The following KDM2A variants were observed in gnomAD, a reference collection of about 807,000 sequenced individuals.
The protein encoded by KDM2A is lysine-specific demethylase 2A.
A neutral mutation model predicts 137.3 loss-of-function variants in KDM2A; 3 were observed. The ratio of observed to expected loss-of-function variants is 0.02; its 90% confidence interval spans 0.01 to 0.06. The LOEUF is 0.06. Ranked by LOEUF, KDM2A falls within the 10% of genes least tolerant of loss-of-function variation. The pLI is 1.00. For missense variants in KDM2A, 738 were observed against 1,510.6 expected, an observed-to-expected ratio of 0.49 and a Z score of 8.48; for synonymous variants, 512 against 541.5, an observed-to-expected ratio of 0.95 and a Z score of 0.76.
intron 2 of KDM2A, chr11:67,143,391 C>A (rs1430878219): frequency 6.6e-6 from 1 of 151,914 alleles, no homozygotes; most frequent in Non-Finnish European, 1.5e-5. Flanking sequence ...AGTGTTGGTT[C>A]AGTTTCTGAA....
intron 12 of KDM2A, chr11:67,239,991 T>A (rs1858977804): frequency 8.2e-7 from 1 of 1,212,850 alleles, no homozygotes; most frequent in Non-Finnish European, 1.0e-6. Flanking sequence ...GCAGAACGGC[T>A]GGGCCCTCTG....
chr11:67,157,467 G>A (rs1320744440), intron 2 of KDM2A, among the ~76,000 whole-genome samples: 3 of 151,694 alleles, frequency 2.0e-5, no homozygotes, highest in African/African-American at 4.8e-5. Flanking sequence ...TCTTGTGGCC[G>A]GGTGCAGTGG....
intron 11 of KDM2A, among the ~76,000 whole-genome samples, chr11:67,230,805 T>G (rs1858688938): frequency 1.3e-5 from 2 of 152,226 alleles, no homozygotes. Context: ...AAGAAAAGAC[T>G]GGTGAACATT....
At chr11:67,237,458 C>CATT (rs1170268410) in intron 12 of KDM2A, among the ~76,000 whole-genome samples, 5 of 139,504 alleles carry the variant, frequency 3.6e-5, no homozygotes, top group African/African-American at 5.6e-5. Context: ...TTATTATTAT[C>CATT]ATTATTATTA....
At chr11:67,241,091 G>C (rs1356663812) in intron 12 of KDM2A, among the ~76,000 whole-genome samples, 1 of 152,162 alleles carries the variant, frequency 6.6e-6, no homozygotes, top group Non-Finnish European at 1.5e-5. Flanking sequence ...GAAAGTCCCC[G>C]TTTGTGGACA....
At chr11:67,200,456 A>G (rs913823248) in intron 5 of KDM2A, among the ~76,000 whole-genome samples, 75 of 152,180 alleles carry the variant, frequency 4.9e-4, no homozygotes, top group African/African-American at 1.7e-3. Flanking sequence ...TCACCTCATG[A>G]TCCGCCCGCC....
intron 2 of KDM2A, among the ~76,000 whole-genome samples, chr11:67,130,863 A>ATT (rs1202348419): frequency 3.7e-4 from 52 of 142,400 alleles, no homozygotes; most frequent in Admixed American, 2.3e-3. Flanking sequence ...TTAAACCTTG[A>ATT]TTTTTTTTTT....
At chr11:67,166,793 T>G (rs548749587) in intron 2 of KDM2A, among the ~76,000 whole-genome samples, 84 of 152,264 alleles carry the variant, frequency 5.5e-4, no homozygotes, top group African/African-American at 1.9e-3. Flanking sequence ...ACTCCTGTGC[T>G]GGGCTGAGCG....
chr11:67,252,561 G>C (rs565566882), intron 17 of KDM2A, 133 bp from the exon 18 acceptor site: 2 of 987,366 alleles, frequency 2.0e-6, no homozygotes, highest in South Asian at 2.8e-5. Context: ...AAAATGATAA[G>C]GTGTGATCCC....
rs200744426 is a variant in KDM2A, at chr11:67,250,307, G to T, written c.2277G>T (p.Arg759=). 1.3e-4 allele frequency: 206 copies of T among 1,613,934 alleles called. No individual in the cohort carries two copies. Among genetic ancestry groups the T allele is most frequent in the Non-Finnish European group, 1.7e-4 (201 of 1,179,894 alleles). The change falls in exon 17 of 21, where the codon CGG becomes CGT. Residue 759 remains arginine, a synonymous_variant. Coordinates refer to ENST00000529006, the MANE Select transcript of KDM2A (RefSeq NM_012308.3). This position sits in a 1 kb window ranked among gnomAD's most constrained non-coding sequence, Gnocchi z 7.1. ...CCAGCCGCGATGAGCGCTTCAAACG[G>T]CGGCAGTTGCTGCGGCTGCAGGCCA... ...HSASRDERFK[R]RQLLRLQATE...
chr11:67,233,742 C>T (rs138837068), intron 12 of KDM2A, among the ~76,000 whole-genome samples: 10 of 149,518 alleles, frequency 6.7e-5, no homozygotes, highest in Admixed American at 6.0e-4. Flanking sequence ...AATGGTATAC[C>T]AAAGGAAAAA....
chr11:67,216,688 A>G (rs1236257753), intron 8 of KDM2A, among the ~76,000 whole-genome samples: 4 of 151,980 alleles, frequency 2.6e-5, no homozygotes, highest in Admixed American at 6.6e-5. Flanking sequence ...TGGGAGGCCA[A>G]GGCGGGCGGA....
At chr11:67,122,691 T>TTTA (rs1565366814) in intron 2 of KDM2A, among the ~76,000 whole-genome samples, 8 of 142,978 alleles carry the variant, frequency 5.6e-5, no homozygotes, top group African/African-American at 1.0e-4. Flanking sequence ...TTATTTATTT[T>TTTA]TTGAGACAGA....
intron 12 of KDM2A, among the ~76,000 whole-genome samples, chr11:67,241,156 A>G (rs1403731050): frequency 6.6e-6 from 1 of 152,152 alleles, no homozygotes; most frequent in African/African-American, 2.4e-5. Flanking sequence ...CGTCAGTGCG[A>G]AGTGGGGGAG....
intron 11 of KDM2A, 59 bp from the exon 12 acceptor site, chr11:67,231,507 C>T (rs1415270221): frequency 2.1e-6 from 3 of 1,448,922 alleles, no homozygotes; most frequent in Non-Finnish European, 2.8e-6. Flanking sequence ...ACCTATTTCT[C>T]TTGCTGATCA....
chr11:67,153,083 C>G (rs1385353127), intron 2 of KDM2A, among the ~76,000 whole-genome samples: 5 of 151,962 alleles, frequency 3.3e-5, no homozygotes, highest in African/African-American at 1.2e-4. Context: ...CTCCTGGGTT[C>G]AAACCATTCT....
chr11:67,178,515 A>T (rs1265938784), intron 2 of KDM2A, among the ~76,000 whole-genome samples: 3 of 152,096 alleles, frequency 2.0e-5, no homozygotes, highest in Non-Finnish European at 4.4e-5. Flanking sequence ...TCTTGAAAAA[A>T]CCCATACTAT....
chr11:67,250,711 A>G lies in KDM2A; in HGVS notation c.2681A>G (p.Gln894Arg). 6.3e-7 allele frequency: 1 copy of G among 1,584,470 alleles called. No homozygotes were observed. Among genetic ancestry groups the G allele is most frequent in the Non-Finnish European group, 8.6e-7 (1 of 1,164,054 alleles). ...WAQDGDESWM[Q>R]REVWMSVFRY... is the part of the protein sequence containing the mutation. Reference sequence around the variant, plus strand: ...CAGGATGGAGACGAAAGCTGGATGCAGCGGGAGGTCTGGATGTCTGTCTTC... The same window carrying G: ...CAGGATGGAGACGAAAGCTGGATGCGGCGGGAGGTCTGGATGTCTGTCTTC... The change falls in exon 17 of 21, where the codon CAG becomes CGG. Residue 894 changes from glutamine to arginine, a missense_variant. Around this residue, in one of 9 missense-constraint regions of KDM2A, gnomAD observed 244 missense variants for 324.6 expected, o/e 0.75. Transcript: ENST00000529006. This position sits in a 1 kb window ranked among gnomAD's most constrained non-coding sequence, Gnocchi z 7.1.
At chr11:67,192,570 G>A (rs973592070) in intron 5 of KDM2A, among the ~76,000 whole-genome samples, 3 of 146,316 alleles carry the variant, frequency 2.1e-5, no homozygotes, top group African/African-American at 5.1e-5. Flanking sequence ...TCAGCCTCCC[G>A]AGTAGCTGGG....
Sources: allele counts gnomAD v4.1 joint callset (sites outside exome capture counted in the v4.1 genomes callset), GRCh38; gene constraint gnomAD v4.1.1; regional missense constraint gnomAD v4.1.1; non-coding constraint Gnocchi (gnomAD v3.1); transcripts MANE v1.5; gene names NCBI Gene and HGNC (gene_info 2026-07-23, HGNC 2026-07-21).